The following MAP3K21 variants were observed in gnomAD, a reference collection of about 807,000 sequenced individuals.
MAP3K21 encodes the protein mitogen-activated protein kinase kinase kinase 21.
Under a neutral mutation model 86.1 loss-of-function variants are expected in MAP3K21, and 63 were observed. The ratio of observed to expected loss-of-function variants is 0.73; its 90% CI spans 0.60 to 0.90. The LOEUF (loss-of-function observed/expected upper bound fraction) is 0.90, where lower values mean the gene tolerates loss of function less well. Among genes scored for constraint, MAP3K21 ranks in the 40% least tolerant of loss-of-function variants. MAP3K21 has a pLI of 0.00. For synonymous variants in MAP3K21, 558 were observed against 564.8 expected (o/e 0.99, Z 0.17); for missense variants, 1,220 against 1,367.7 (o/e 0.89, Z 1.70).
Position 233,385,054 on chromosome 1 carries a change from T to C in MAP3K21, c.*2343T>C, listed in dbSNP as rs1663981371. On this transcript the variant is annotated 3_prime_UTR_variant, in exon 10 of 10. Transcript: ENST00000366624. ...GCAGAGATTTAAGGCCTGGGCCTAA[T>C]GTGCTGTATTATGAAGCCTTGTGAC... 6.6e-6 allele frequency: 1 copy of C among 152,266 alleles called. No individual in the cohort carries two copies. The highest frequency in any genetic ancestry group is 1.5e-5 in the Non-Finnish European group (1 of 68,046). 9.4% of individuals were successfully genotyped at this position (152,266 alleles called of 1,614,324 possible).
Position 233,375,929 on chromosome 1 carries a change from A to C in MAP3K21, c.1689A>C (p.Glu563Asp), listed in dbSNP as rs35758282. ...TGTTCTTTTTAGTGACTTCAGATGA[A>C]AGCAATAAAACTTGGGGAAGGAACA... The part of the protein sequence containing the change: ...RLRAIQLTSD[E>D]SNKTWGRNTV... The change falls in exon 7 of 10, where the codon GAA becomes GAC. Residue 563 changes from glutamate to aspartate, a missense_variant. Coordinates refer to ENST00000366624, the MANE Select transcript of MAP3K21 (RefSeq NM_032435.3). 3.5e-3 allele frequency: 5,565 copies of C among 1,611,612 alleles called. 12 individuals carry two copies. Among genetic ancestry groups the C allele is most frequent in the Non-Finnish European group, 4.2e-3 (4,972 of 1,178,354 alleles).
chr1:233,367,891 G>C (rs1052019697), intron 5 of MAP3K21, among the ~76,000 whole-genome samples: 1 of 150,946 alleles, frequency 6.6e-6, no homozygotes, highest in South Asian at 2.1e-4. Context: ...TTTTCTTTCT[G>C]TTTACAACAT....
At chr1:233,362,382 A>G (rs1663481588) in intron 5 of MAP3K21, 89 bp downstream of exon 5, 1 of 1,427,200 alleles carries the variant, frequency 7.0e-7, no homozygotes, top group Non-Finnish European at 9.6e-7. Context: ...GGAAAGAGAT[A>G]GGGAAGTAAC....
At chr1:233,373,122 T>C (rs1318539482) in intron 6 of MAP3K21, 1 of 152,212 alleles carries the variant, frequency 6.6e-6, no homozygotes, top group African/African-American at 2.4e-5. Flanking sequence ...GCTGTAGTTT[T>C]AGAGCTTAAA....
At chr1:233,379,787 T>G (rs1052377424) in intron 9 of MAP3K21, 77 bp downstream of exon 9, 2 of 1,131,322 alleles carry the variant, frequency 1.8e-6, no homozygotes, top group East Asian at 4.8e-5. Flanking sequence ...GATTTATGAT[T>G]TTATCTTTTC....
chr1:233,329,056 A>G (rs1662763162), intron 1 of MAP3K21, among the ~76,000 whole-genome samples: 1 of 152,146 alleles, frequency 6.6e-6, no homozygotes, highest in African/African-American at 2.4e-5. Flanking sequence ...TGCTTTTTAA[A>G]AAAGTTCAGA....
In MAP3K21 at chr1:233,328,592, C is replaced by A; in HGVS notation, c.564C>A (p.Gly188=). The A allele has an allele frequency of 6.6e-7, 1 of 1,515,694 alleles. No homozygotes were observed. Among genetic ancestry groups the A allele is most frequent in the East Asian group, 2.8e-5 (1 of 35,566 alleles). The allele number at this position is 1,515,694 out of a possible 1,614,324, so 93.9% of individuals were successfully genotyped here. ...ACCCCAACATCATCGAGCTGCGCGG[C>A]GTGTGCCTGCAGCAGCCGCACCTCT... ...LRHPNIIELR[G]VCLQQPHLCL... is the part of the protein sequence containing the mutation. The change falls in exon 1 of 10, where the codon GGC becomes GGA. Residue 188 remains glycine (G), a synonymous_variant. Coordinates refer to ENST00000366624, the MANE Select transcript of MAP3K21 (RefSeq NM_032435.3). This position sits in a 1 kb window ranked among gnomAD's most constrained non-coding sequence, Gnocchi z 8.7.
At chr1:233,366,157 TAGAG>T (rs1330088251) in intron 5 of MAP3K21, among the ~76,000 whole-genome samples, 4 of 151,798 alleles carry the variant, frequency 2.6e-5, no homozygotes, top group Non-Finnish European at 4.4e-5. Flanking sequence ...TCCGTGGAAA[TAGAG>T]AGTAGAATTG....
chr1:233,365,261 A>T (rs1663551457), intron 5 of MAP3K21, among the ~76,000 whole-genome samples: 1 of 152,156 alleles, frequency 6.6e-6, no homozygotes, highest in African/African-American at 2.4e-5. Flanking sequence ...GCAACAAAAA[A>T]CAAAAATAGA....
At position 233,382,455 on chromosome 1, in the gene MAP3K21, G is replaced by A. The variant is rs1663936018; in HGVS notation, c.2855G>A (p.Ser952Asn). 2 of 1,614,166 alleles carry A rather than the reference G, an allele frequency of 1.2e-6. No individual in the cohort carries two copies. The highest frequency in any genetic ancestry group is 1.7e-6 in the Non-Finnish European group (2 of 1,180,024). Residue 952 changes from serine (S) to asparagine (N), a missense_variant, in exon 10 of 10, where the codon AGC (serine) becomes AAC (asparagine). This residue lies in a region of MAP3K21 where 632 missense variants were observed against 691.3 expected (regional missense o/e 0.91). Coordinates refer to ENST00000366624, the MANE Select transcript of MAP3K21 (RefSeq NM_032435.3). ...CAGCGTCGCCCTGCCTCCCTGAGAAGCCGCTCAGATCTGCCTCAGGCTTAC... is the reference window on the plus strand; with the variant it reads ...CAGCGTCGCCCTGCCTCCCTGAGAAACCGCTCAGATCTGCCTCAGGCTTAC... Reference protein sequence around the residue: ...VPQRRPASLRSRSDLPQAYPQ... With the variant: ...VPQRRPASLRNRSDLPQAYPQ...
intron 5 of MAP3K21, 26 bp from the exon 6 acceptor site, chr1:233,372,012 C>A (rs765040681): frequency 6.2e-7 from 1 of 1,602,642 alleles, no homozygotes; most frequent in South Asian, 1.1e-5. Flanking sequence ...CATGAAATAC[C>A]AGTTCTCCCT....
chr1:233,375,686 T>A (rs1663780196), intron 6 of MAP3K21: 2 of 506,692 alleles, frequency 3.9e-6, no homozygotes, highest in Admixed American at 7.7e-5. Flanking sequence ...TGCTGCTAAT[T>A]TACCTCGAAT....
chr1:233,345,282 C>G (rs149198174), intron 1 of MAP3K21, among the ~76,000 whole-genome samples: 2 of 152,120 alleles, frequency 1.3e-5, no homozygotes, highest in African/African-American at 4.8e-5. Context: ...CAAATGCACA[C>G]GTATCTTTAT....
rs950850470 is a variant in MAP3K21, at chr1:233,365,419, A to G, written c.1552+3126A>G. Among the ~76,000 whole-genome samples, 10 of 152,240 alleles carry G rather than the reference A, an allele frequency of 6.6e-5. No homozygotes were observed. The East Asian group carries it at 1.9e-3, about 29-fold the overall frequency. Reference sequence around the variant, plus strand: ...CACAGAATATACACAGAACTCGAATAACTCAATGGCAAAAACACAAATAAT... The same window carrying G: ...CACAGAATATACACAGAACTCGAATGACTCAATGGCAAAAACACAAATAAT... On this transcript the variant is annotated intron_variant, in intron 5 of 9. Transcript: ENST00000366624.
chr1:233,375,390 G>C (rs1663773152), intron 6 of MAP3K21, among the ~76,000 whole-genome samples: 1 of 152,152 alleles, frequency 6.6e-6, no homozygotes, highest in Admixed American at 6.5e-5. Context: ...AGTTTTAAAA[G>C]GCAACCGTAA....
intron 5 of MAP3K21, among the ~76,000 whole-genome samples, chr1:233,363,788 C>G (rs1189723851): frequency 6.6e-6 from 1 of 150,922 alleles, no homozygotes; most frequent in Non-Finnish European, 1.5e-5. Flanking sequence ...GGACGGGTTG[C>G]CTGAGATCTG....
intron 5 of MAP3K21, among the ~76,000 whole-genome samples, chr1:233,370,526 G>T (rs1663661509): frequency 6.6e-6 from 1 of 152,166 alleles, no homozygotes; most frequent in Non-Finnish European, 1.5e-5. Flanking sequence ...TGAATAATTG[G>T]ATAGCTGTCC....
chr1:233,357,812 G>A (rs866927087), intron 4 of MAP3K21, among the ~76,000 whole-genome samples: 5 of 152,178 alleles, frequency 3.3e-5, no homozygotes, highest in East Asian at 1.9e-4. Flanking sequence ...CCAGAGTTAC[G>A]CAGTAGGACT....
intron 1 of MAP3K21, among the ~76,000 whole-genome samples, chr1:233,337,656 G>A (rs1027922954): frequency 2.0e-5 from 3 of 152,138 alleles, no homozygotes; most frequent in Non-Finnish European, 4.4e-5. Context: ...TGCAGTATGA[G>A]GAAACAGTTC....
Sources: allele counts gnomAD v4.1 joint callset (sites outside exome capture counted in the v4.1 genomes callset), GRCh38; gene constraint gnomAD v4.1.1; regional missense constraint gnomAD v4.1.1; non-coding constraint Gnocchi (gnomAD v3.1); transcripts MANE v1.5; gene names NCBI Gene and HGNC (gene_info 2026-07-23, HGNC 2026-07-21).